Variants in LRRK1 observed in about 807,000 individuals in gnomAD.
LRRK1 encodes leucine rich repeat kinase 1, also known as leucine-rich repeat serine/threonine-protein kinase 1.
A neutral mutation model predicts 209.1 loss-of-function variants in LRRK1; 113 were observed. The observed-to-expected ratio is 0.54, with a 90% CI of 0.46 to 0.63. LRRK1 has a LOEUF of 0.63. Among genes scored for constraint, LRRK1 ranks in the 30% least tolerant of loss-of-function variants. The probability of loss-of-function intolerance (pLI) is 0.00; values close to 1 mark genes in which losing one functional copy is unlikely to be tolerated. For synonymous variants in LRRK1, 1,144 were observed against 1,099.7 expected, an observed-to-expected ratio of 1.04 and a Z score of -0.80; for missense variants, 2,284 against 2,632.2, an observed-to-expected ratio of 0.87 and a Z score of 2.89.
intron 1 of LRRK1, among the ~76,000 whole-genome samples, chr15:100,922,405 G>A (rs1400651413): frequency 1.3e-5 from 2 of 152,048 alleles, no homozygotes; most frequent in Non-Finnish European, 2.9e-5. Context: ...GGAACAAAAT[G>A]TGCTGGGTGA....
Position 101,071,072 on chromosome 15 carries a change from A to G in LRRK1, c.*2224A>G, listed in dbSNP as rs1375804439. 2 of 152,262 alleles carry G rather than the reference A, an allele frequency of 1.3e-5. No homozygotes were observed. The highest frequency in any genetic ancestry group is 2.9e-5 in the Non-Finnish European group (2 of 68,076). 9.4% of individuals were successfully genotyped at this position (152,262 alleles called of 1,614,324 possible). On this transcript the variant is annotated 3_prime_UTR_variant, in exon 34 of 34. Transcript: ENST00000388948. The stretch of plus-strand genomic sequence containing the variant: ...AAACATCAATGCTTGACCTCACCCA[A>G]CAGCAGGGAAACAGTCTCCACAACA...
chr15:100,956,618 C>A (rs1194821339), intron 2 of LRRK1, among the ~76,000 whole-genome samples: 1 of 151,806 alleles, frequency 6.6e-6, no homozygotes, highest in Non-Finnish European at 1.5e-5. Flanking sequence ...GCGCCCACAA[C>A]CACGCCTGGC....
chr15:101,060,969 C>G (rs1214612082), intron 29 of LRRK1, among the ~76,000 whole-genome samples: 2 of 152,242 alleles, frequency 1.3e-5, no homozygotes, highest in Non-Finnish European at 2.9e-5. Flanking sequence ...AGCCTTTCTT[C>G]TCTGGCGAAT....
chr15:100,972,602 T>C (rs930031202), intron 2 of LRRK1, among the ~76,000 whole-genome samples: 5 of 152,114 alleles, frequency 3.3e-5, no homozygotes, highest in Non-Finnish European at 5.9e-5. Flanking sequence ...TGGTTTTAGT[T>C]GTGGTAGGCA....
At chr15:101,051,125 CTCCT>C (rs2035408895) in intron 23 of LRRK1, among the ~76,000 whole-genome samples, 1 of 152,224 alleles carries the variant, frequency 6.6e-6, no homozygotes, top group Non-Finnish European at 1.5e-5. Context: ...AGGCATCCAC[CTCCT>C]ACCTTGCATG....
At chr15:100,922,909 G>C (rs1040701230) in intron 1 of LRRK1, among the ~76,000 whole-genome samples, 2 of 152,134 alleles carry the variant, frequency 1.3e-5, no homozygotes, top group Non-Finnish European at 2.9e-5. Context: ...CTGCCTTGAC[G>C]AGTCCAGTCC....
rs28412329 is a variant in LRRK1, at chr15:100,997,566, A to G, written c.762+8168A>G. The stretch of plus-strand genomic sequence containing the variant: ...GGCAATTACAGAAATTCAAATTCAA[A>G]CAGCTTGCAAGTACTGTCACACACC... On this transcript the variant is annotated intron_variant, in intron 6 of 33. Coordinates refer to ENST00000388948, the MANE Select transcript of LRRK1 (RefSeq NM_024652.6). Among the ~76,000 whole-genome samples, 724 of 152,362 alleles carry G rather than the reference A, an allele frequency of 4.8e-3. 13 individuals carry two copies. The highest frequency in any genetic ancestry group is 0.017 in the African/African-American group (699 of 41,582).
chr15:101,008,607 C>G (rs1250217239), intron 6 of LRRK1, among the ~76,000 whole-genome samples: 1 of 152,236 alleles, frequency 6.6e-6, no homozygotes, highest in Non-Finnish European at 1.5e-5. Context: ...CTTGCAGGCG[C>G]TGTGCACAGA....
chr15:101,011,763 C>A (rs1274123072), intron 9 of LRRK1, among the ~76,000 whole-genome samples: 1 of 152,118 alleles, frequency 6.6e-6, no homozygotes, highest in African/African-American at 2.4e-5. Flanking sequence ...GCCGGATGTT[C>A]TGGAATGAAG....
In LRRK1 at chr15:101,075,437, A is replaced by G. The variant is rs1426751131; in HGVS notation, c.*6589A>G. 97 of 119,396 alleles carry G rather than the reference A, an allele frequency of 8.1e-4. No individual in the cohort carries two copies. Among genetic ancestry groups the G allele is most frequent in the African/African-American group, 3.7e-3 (91 of 24,812 alleles). 7.4% of individuals were successfully genotyped at this position (119,396 alleles called of 1,614,324 possible). A position where few individuals can be genotyped will look rare whatever the true frequency, so the allele number is the denominator to read the frequency against. On this transcript the variant is annotated 3_prime_UTR_variant, in exon 34 of 34. Transcript: ENST00000388948. Reference sequence around the variant, plus strand: ...TATCCCCCGACCTTAACCCATAAGTATAAGATACCTCTACTCCCTCCTTGG... The same window carrying G: ...TATCCCCCGACCTTAACCCATAAGTGTAAGATACCTCTACTCCCTCCTTGG...
chr15:101,028,999 G>C lies in LRRK1; in HGVS notation c.2730G>C (p.Pro910=), dbSNP rs759490902. 4 of 1,614,086 alleles carry C rather than the reference G, an allele frequency of 2.5e-6. No homozygotes were observed. The highest frequency in any genetic ancestry group is 3.4e-6 in the Non-Finnish European group (4 of 1,180,004). ...AAACCGGCACCCTGCTCCATTTCCC[G>C]GACACCAGCCACGGCCTGAGGAACC... is the stretch of plus-strand genomic sequence containing the variant. ...LIETGTLLHF[P]DTSHGLRNLY... The change falls in exon 20 of 34, where the codon CCG becomes CCC. Residue 910 remains proline (P), a synonymous_variant. Transcript: ENST00000388948.
chr15:100,990,710 A>G (rs1596244397), intron 6 of LRRK1, among the ~76,000 whole-genome samples: 1 of 138,698 alleles, frequency 7.2e-6, no homozygotes, highest in Non-Finnish European at 1.5e-5. Flanking sequence ...TTTTTTTCTC[A>G]CTTTGGAGGG....
At chr15:101,019,168 CTGTT>C (rs1371858691) in intron 12 of LRRK1, among the ~76,000 whole-genome samples, 5 of 152,206 alleles carry the variant, frequency 3.3e-5, no homozygotes, top group African/African-American at 1.2e-4. Flanking sequence ...GGTGTTGCCT[CTGTT>C]TGCAATCATA....
chr15:101,063,325 C>T (rs915410772), intron 31 of LRRK1, among the ~76,000 whole-genome samples: 2 of 152,210 alleles, frequency 1.3e-5, no homozygotes, highest in African/African-American at 4.8e-5. Flanking sequence ...GGGCCCGGCA[C>T]CCTCCCCACA....
rs570053903 is a variant in LRRK1 at position 101,075,235 on chromosome 15, C to T, written c.*6387C>T. On this transcript the variant is annotated 3_prime_UTR_variant, in exon 34 of 34. Coordinates refer to ENST00000388948, the MANE Select transcript of LRRK1 (RefSeq NM_024652.6). ...TCTTAAAACTCCCCAACTCTGGTGC[C>T]AACTTAGACAATACTCTTTTAAGCA... The T allele has an allele frequency of 6.1e-4, 17 of 27,844 alleles. 3 individuals are homozygous for T. Among genetic ancestry groups the T allele is most frequent in the Admixed American group, 4.8e-3 (16 of 3,362 alleles). The allele number at this position is 27,844 out of a possible 1,614,324, so 1.7% of individuals were successfully genotyped here.
At chr15:101,021,238 GCCCAT>G in intron 13 of LRRK1, 56 bp downstream of exon 13, 1 of 1,598,598 alleles carries the variant, frequency 6.3e-7, no homozygotes. Flanking sequence ...GAGGCAGAAC[GCCCAT>G]CCCTAAACCA....
intron 2 of LRRK1, among the ~76,000 whole-genome samples, chr15:100,956,883 GT>G (rs1385452065): frequency 6.6e-6 from 1 of 152,122 alleles, no homozygotes; most frequent in Non-Finnish European, 1.5e-5. Context: ...TGTAAAGTTA[GT>G]TTGTCTAATT....
chr15:101,024,663 A>G lies in LRRK1; in HGVS notation c.2068-140A>G. 4 of 894,344 alleles carry G rather than the reference A, an allele frequency of 4.5e-6. No homozygotes were observed. Among genetic ancestry groups the G allele is most frequent in the Non-Finnish European group, 6.9e-6 (4 of 583,482 alleles). The allele number at this position is 894,344 out of a possible 1,614,324, so 55.4% of individuals were successfully genotyped here. On this transcript the variant is annotated intron_variant, in intron 15 of 33. Coordinates refer to ENST00000388948, the MANE Select transcript of LRRK1 (RefSeq NM_024652.6). This position sits in a 1 kb window ranked among gnomAD's most constrained non-coding sequence, Gnocchi z 4.6. ...CCAGATAACTGTTTCCTAAGAAACA[A>G]TAGAGTGTCCAGAACTTTTCCACGG...
At chr15:100,970,609 G>A (rs1342143719) in intron 2 of LRRK1, among the ~76,000 whole-genome samples, 2 of 152,168 alleles carry the variant, frequency 1.3e-5, no homozygotes, top group African/African-American at 2.4e-5. Context: ...AAATCAGGTA[G>A]TGTACATTCT....
Sources: gnomAD v4.1 joint callset for allele counts (sites outside exome capture counted in the v4.1 genomes callset) on GRCh38, gnomAD v4.1.1 for gene constraint, Gnocchi (gnomAD v3.1) non-coding constraint, MANE v1.5 for transcripts, NCBI Gene and HGNC (gene_info 2026-07-23, HGNC 2026-07-21) for gene names.